ADCY2: variants seen among roughly 807,000 people sequenced by gnomAD.
ADCY2 encodes the protein adenylate cyclase type 2.
In ADCY2, 31 loss-of-function variants were observed where a neutral mutation model predicts 125.2. The ratio of observed to expected loss-of-function variants is 0.25; its 90% CI spans 0.19 to 0.33. The LOEUF (loss-of-function observed/expected upper bound fraction) is 0.33, where lower values mean the gene tolerates loss of function less well. Ranked by LOEUF, ADCY2 falls within the 10% of genes least tolerant of loss-of-function variation. The pLI is 1.00. For missense variants in ADCY2, 904 were observed against 1,418.2 expected (o/e 0.64, Z 5.82); for synonymous variants, 512 against 548.4 (o/e 0.93, Z 0.93).
intron 3 of ADCY2, among the ~76,000 whole-genome samples, chr5:7,543,095 T>A (rs1162745785): frequency 6.6e-6 from 1 of 152,206 alleles, no homozygotes; most frequent in Non-Finnish European, 1.5e-5. Flanking sequence ...CATCCTATGT[T>A]ATATGATAAG....
At chr5:7,413,417 C>T (rs919572635) in intron 1 of ADCY2, among the ~76,000 whole-genome samples, 1 of 152,062 alleles carries the variant, frequency 6.6e-6, no homozygotes, top group African/African-American at 2.4e-5. Flanking sequence ...TCTCAGCCTC[C>T]GGAGTAGCTG....
intron 4 of ADCY2, among the ~76,000 whole-genome samples, chr5:7,626,967 A>G (rs1430104219): frequency 6.6e-6 from 1 of 152,204 alleles, no homozygotes; most frequent in Non-Finnish European, 1.5e-5. Flanking sequence ...CCACAGCCAG[A>G]TACGCCAACC....
At position 7,789,868 on chromosome 5, in the gene ADCY2, A is replaced by T. The variant is rs566913545; in HGVS notation, c.2628+68A>T. On this transcript the variant is annotated intron_variant, in intron 20 of 24. Transcript: ENST00000338316. ...CCATGATGACCTGGGTGAGGGCTGA[A>T]AGCTTCTTCAGTGACATAAAGGCTG... 44 of 1,301,320 alleles carry T rather than the reference A, an allele frequency of 3.4e-5. No homozygotes were observed. In the African/African-American group the frequency reaches 4.9e-4, roughly 15 times the overall value. 80.6% of individuals were successfully genotyped at this position (1,301,320 alleles called of 1,614,324 possible).
At chr5:7,581,931 G>C (rs1423710273) in intron 3 of ADCY2, among the ~76,000 whole-genome samples, 1 of 152,136 alleles carries the variant, frequency 6.6e-6, no homozygotes, top group African/African-American at 2.4e-5. Flanking sequence ...ATCTAACCAT[G>C]TGAATAATTA....
intron 11 of ADCY2, among the ~76,000 whole-genome samples, chr5:7,716,634 T>C (rs979943183): frequency 6.6e-6 from 1 of 152,224 alleles, no homozygotes; most frequent in Non-Finnish European, 1.5e-5. Context: ...TAGGCTGTTG[T>C]TTCTTTTTCT....
rs1741370214 is a variant in ADCY2, at chr5:7,709,485, T to A, written c.1578+98T>A. On this transcript the variant is annotated intron_variant, in intron 10 of 24. Transcript: ENST00000338316. The surrounding 1 kb of genome is among the most constrained non-coding windows in gnomAD (Gnocchi z 4.4). ...CTCCTGCCAAAATAACTCCTTTCTG[T>A]AAGAAACAAACTTATCACCTTCTTC... 2.9e-6 allele frequency: 4 copies of A among 1,356,600 alleles called. No homozygotes were observed. The highest frequency in any genetic ancestry group is 3.9e-6 in the Non-Finnish European group (4 of 1,022,058). 84.0% of individuals were successfully genotyped at this position (1,356,600 alleles called of 1,614,324 possible).
intron 2 of ADCY2, among the ~76,000 whole-genome samples, chr5:7,454,085 T>TC (rs1282202551): frequency 6.6e-6 from 1 of 152,148 alleles, no homozygotes; most frequent in Non-Finnish European, 1.5e-5. Flanking sequence ...CACCTGAGGG[T>TC]CACCTGACAT....
intron 3 of ADCY2, among the ~76,000 whole-genome samples, chr5:7,586,617 C>T (rs989231557): frequency 1.3e-5 from 2 of 152,056 alleles, no homozygotes; most frequent in African/African-American, 4.8e-5. Flanking sequence ...GACAGGAGCC[C>T]GCCGTGCATC....
intron 11 of ADCY2, among the ~76,000 whole-genome samples, chr5:7,713,122 G>A (rs1741489369): frequency 6.6e-6 from 1 of 152,094 alleles, no homozygotes; most frequent in Non-Finnish European, 1.5e-5. Flanking sequence ...ACTCATTTTA[G>A]AATGTTAAAC....
At chr5:7,450,378 A>T (rs1741428532) in intron 2 of ADCY2, among the ~76,000 whole-genome samples, 2 of 152,198 alleles carry the variant, frequency 1.3e-5, no homozygotes, top group Admixed American at 6.5e-5. Flanking sequence ...CAGTCACAAC[A>T]TTCCCTTAAG....
intron 1 of ADCY2, among the ~76,000 whole-genome samples, chr5:7,401,654 T>C (rs936546071): frequency 4.6e-5 from 7 of 152,188 alleles, no homozygotes; most frequent in Admixed American, 1.3e-4. Context: ...CCCCATCAAG[T>C]GGAGCCTCAA....
chr5:7,698,360 G>C lies in ADCY2; in HGVS notation c.1095G>C (p.Met365Ile). 1 of 1,614,180 alleles carries C rather than the reference G, an allele frequency of 6.2e-7. No homozygotes were observed. The highest frequency in any genetic ancestry group is 8.5e-7 in the Non-Finnish European group (1 of 1,180,018). Residue 365 changes from methionine to isoleucine, a missense_variant, in exon 7 of 25, where the codon ATG (methionine) becomes ATC (isoleucine). By Grantham distance (10) the Met-to-Ile change is conservative. Around this residue, in one of 7 missense-constraint regions of ADCY2, gnomAD observed 117 missense variants for 248.0 expected, o/e 0.47. Coordinates refer to ENST00000338316, the MANE Select transcript of ADCY2 (RefSeq NM_020546.3). Reference protein sequence around the residue: ...AKNCVKMGLDMCEAIKKVRDA... With the variant: ...AKNCVKMGLDICEAIKKVRDA... The stretch of plus-strand genomic sequence containing the variant: ...ACTGTGTGAAAATGGGGCTGGACAT[G>C]TGTGAAGCCATAAAGTAAGTGGACT...
At chr5:7,563,116 A>G (rs1735764731) in intron 3 of ADCY2, among the ~76,000 whole-genome samples, 1 of 152,164 alleles carries the variant, frequency 6.6e-6, no homozygotes, top group Non-Finnish European at 1.5e-5. Context: ...GAAAGAGGTG[A>G]TCTCTGATAT....
intron 1 of ADCY2, among the ~76,000 whole-genome samples, chr5:7,407,900 G>A (rs573504437): frequency 1.4e-5 from 2 of 138,366 alleles, no homozygotes; most frequent in South Asian, 2.2e-4. Context: ...ACAGAGTCTC[G>A]CTCTGTCGAT....
At chr5:7,722,836 T>C (rs1278743622) in intron 12 of ADCY2, among the ~76,000 whole-genome samples, 2 of 151,728 alleles carry the variant, frequency 1.3e-5, no homozygotes, top group African/African-American at 4.8e-5. Flanking sequence ...GGTGTGCACC[T>C]GTAATCCCAG....
intron 3 of ADCY2, among the ~76,000 whole-genome samples, chr5:7,578,616 T>G (rs1033243639): frequency 2.0e-5 from 3 of 152,218 alleles, no homozygotes; most frequent in Non-Finnish European, 4.4e-5. Context: ...AAATAAAATA[T>G]TTTGGAATCG....
intron 2 of ADCY2, among the ~76,000 whole-genome samples, chr5:7,425,442 C>T (rs939521548): frequency 6.6e-6 from 1 of 152,214 alleles, no homozygotes; most frequent in East Asian, 1.9e-4. Flanking sequence ...AATACAACTT[C>T]GTCTCCATCA....
intron 1 of ADCY2, among the ~76,000 whole-genome samples, chr5:7,405,848 T>C (rs1739465684): frequency 1.3e-5 from 2 of 152,144 alleles, no homozygotes; most frequent in Admixed American, 1.3e-4. Flanking sequence ...ACCCAATATA[T>C]AGTTTATTCC....
chr5:7,654,307 C>A, intron 4 of ADCY2: 2 of 369,478 alleles, frequency 5.4e-6, no homozygotes, highest in South Asian at 4.0e-5. Context: ...CGGGGAGAAG[C>A]CTCACTGCAG....
Sources: gnomAD v4.1 joint callset for allele counts (sites outside exome capture counted in the v4.1 genomes callset) on GRCh38, gnomAD v4.1.1 for gene constraint, gnomAD v4.1.1 regional missense constraint, Gnocchi (gnomAD v3.1) non-coding constraint, MANE v1.5 for transcripts, NCBI Gene and HGNC (gene_info 2026-07-23, HGNC 2026-07-21) for gene names.